Variants in MYO1E observed in about 807,000 individuals in gnomAD.
MYO1E encodes the protein myosin IE, also known as unconventional myosin-Ie.
MYO1E carries 68 observed loss-of-function variants against 151.1 expected under a neutral mutation model. The ratio of observed to expected loss-of-function variants is 0.45; its 90% CI spans 0.37 to 0.55. The LOEUF (loss-of-function observed/expected upper bound fraction) is 0.55. MYO1E is among the 20% of genes least tolerant of loss of function. MYO1E has a pLI of 0.00. For synonymous variants in MYO1E, 601 were observed against 501.7 expected (o/e 1.20, Z -2.64); for missense variants, 1,363 against 1,389.3 (o/e 0.98, Z 0.30).
chr15:59,281,004 G>C (rs2080350092), intron 1 of MYO1E, among the ~76,000 whole-genome samples: 1 of 152,166 alleles, frequency 6.6e-6, no homozygotes, highest in Admixed American at 6.5e-5. Context: ...CAACCCACTA[G>C]AGGATGAGGA....
At chr15:59,192,271 C>G (rs2079738791) in intron 17 of MYO1E, among the ~76,000 whole-genome samples, 1 of 150,516 alleles carries the variant, frequency 6.6e-6, no homozygotes, top group South Asian at 2.1e-4. Flanking sequence ...TCATAAAATT[C>G]TTTGCTGCAA....
At chr15:59,232,114 T>C (rs2080032006) in intron 5 of MYO1E, among the ~76,000 whole-genome samples, 1 of 152,200 alleles carries the variant, frequency 6.6e-6, no homozygotes, top group South Asian at 2.1e-4. Flanking sequence ...AAGTGGTACC[T>C]GAAGGGGCGT....
intron 1 of MYO1E, among the ~76,000 whole-genome samples, chr15:59,330,771 T>C (rs1323291093): frequency 6.6e-6 from 1 of 152,118 alleles, no homozygotes; most frequent in Non-Finnish European, 1.5e-5. Flanking sequence ...TTTTTATTTA[T>C]TTGTGTTGGT....
intron 26 of MYO1E, among the ~76,000 whole-genome samples, chr15:59,152,999 G>C (rs2140306604): frequency 6.6e-6 from 1 of 152,312 alleles, no homozygotes; most frequent in Non-Finnish European, 1.5e-5. Flanking sequence ...CACAGGACAT[G>C]TCTTAACCCC....
intron 1 of MYO1E, among the ~76,000 whole-genome samples, chr15:59,356,879 GTTTT>G (rs1279973121): frequency 7.3e-4 from 85 of 116,756 alleles, no homozygotes; most frequent in Admixed American, 2.6e-3. Context: ...CTCCTGTTAA[GTTTT>G]TTTTTTTGTT....
rs113544635 is a variant in MYO1E at position 59,261,504 on chromosome 15, A to G, written c.153T>C (p.Tyr51=). 579 of 1,589,110 alleles carry G rather than the reference A, an allele frequency of 3.6e-4. 1 individual carries two copies. The African/African-American group carries it at 7.2e-3, about 20-fold the overall frequency. ...TGACTGAGATTAATACAGATCCTAT[A>G]TATGTCTGAATTTAACTCAGTTAAG... ...KRYMDDYIFT[Y]IGSVLISVNP... The change falls in exon 3 of 28, where the codon TAT becomes TAC. Residue 51 remains tyrosine (Y), a synonymous_variant. Coordinates refer to ENST00000288235, the MANE Select transcript of MYO1E (RefSeq NM_004998.4).
At chr15:59,212,297 G>A (rs2079883993) in intron 12 of MYO1E, among the ~76,000 whole-genome samples, 2 of 151,920 alleles carry the variant, frequency 1.3e-5, no homozygotes, top group South Asian at 4.2e-4. Context: ...GGTTTCATGT[G>A]AACCTCTAGC....
chr15:59,249,550 C>T (rs553778196), intron 4 of MYO1E, among the ~76,000 whole-genome samples: 2 of 152,142 alleles, frequency 1.3e-5, no homozygotes, highest in East Asian at 3.9e-4. Context: ...AAACTAGAAA[C>T]GCCGCCTTTA....
intron 1 of MYO1E, among the ~76,000 whole-genome samples, chr15:59,328,472 T>C (rs1046847896): frequency 9.2e-5 from 14 of 152,102 alleles, no homozygotes; most frequent in African/African-American, 3.4e-4. Context: ...GGCCAAAAAG[T>C]TCATTTTTAC....
chr15:59,139,758 C>T (rs1387804383), intron 26 of MYO1E, among the ~76,000 whole-genome samples: 5 of 151,162 alleles, frequency 3.3e-5, no homozygotes, highest in Non-Finnish European at 7.4e-5. Flanking sequence ...ACTTCCCTCC[C>T]GTCCCTCATT....
At chr15:59,298,479 C>G (rs111989895) in intron 1 of MYO1E, among the ~76,000 whole-genome samples, 3,130 of 152,270 alleles carry the variant, frequency 0.021, 107 homozygotes, top group African/African-American at 0.069. Context: ...CAAGGTGATT[C>G]TTAATGGCCC....
intron 8 of MYO1E, among the ~76,000 whole-genome samples, 166 bp downstream of exon 8, chr15:59,224,523 G>A (rs1229280842): frequency 6.6e-6 from 1 of 152,190 alleles, no homozygotes; most frequent in East Asian, 1.9e-4. Context: ...ACTGGCACAT[G>A]GCTGTTTAAG....
intron 1 of MYO1E, among the ~76,000 whole-genome samples, chr15:59,361,602 A>AT (rs2080885751): frequency 6.6e-6 from 1 of 152,170 alleles, no homozygotes. Flanking sequence ...AATTATATGT[A>AT]TTTTTTCATC....
intron 19 of MYO1E, 43 bp downstream of exon 19, chr15:59,178,350 C>T (rs1235514144): frequency 1.9e-6 from 3 of 1,609,218 alleles, no homozygotes; most frequent in East Asian, 2.2e-5. Flanking sequence ...CTGGCGGGGG[C>T]CCCGCGGGAG....
At chr15:59,368,240 G>T (rs1202636157) in intron 1 of MYO1E, among the ~76,000 whole-genome samples, 1 of 152,182 alleles carries the variant, frequency 6.6e-6, no homozygotes, top group Non-Finnish European at 1.5e-5. Flanking sequence ...ATCAAGTAGT[G>T]GTGCCTCCTA....
intron 1 of MYO1E, among the ~76,000 whole-genome samples, chr15:59,307,740 A>G (rs1427046399): frequency 6.6e-6 from 1 of 151,924 alleles, no homozygotes; most frequent in Admixed American, 6.5e-5. Flanking sequence ...CCTCCCGAGT[A>G]GCTGGGATTA....
chr15:59,297,363 C>G (rs1429703896), intron 1 of MYO1E, among the ~76,000 whole-genome samples: 1 of 149,454 alleles, frequency 6.7e-6, no homozygotes, highest in East Asian at 2.0e-4. Flanking sequence ...CCTCCGCCTC[C>G]TGGTTCAAAT....
At chr15:59,223,216 C>T (rs1200025073) in intron 8 of MYO1E, 25 bp from the exon 9 acceptor site, 3 of 1,613,750 alleles carry the variant, frequency 1.9e-6, no homozygotes, top group Non-Finnish European at 2.5e-6. Context: ...AGAAACTATC[C>T]AGAGAAGCTG....
intron 1 of MYO1E, among the ~76,000 whole-genome samples, chr15:59,304,290 T>C (rs982876155): frequency 6.6e-6 from 1 of 152,170 alleles, no homozygotes; most frequent in East Asian, 1.9e-4. Flanking sequence ...GCCTATTTTC[T>C]TTTTCTATAT....
Sources: allele counts gnomAD v4.1 joint callset (sites outside exome capture counted in the v4.1 genomes callset), GRCh38; gene constraint gnomAD v4.1.1; transcripts MANE v1.5; gene names NCBI Gene and HGNC (gene_info 2026-07-23, HGNC 2026-07-21).